SNX25: variants seen among roughly 807,000 people sequenced by gnomAD.
SNX25 encodes the protein sorting nexin-25.
A neutral mutation model predicts 113.7 loss-of-function variants in SNX25; 62 were observed. The observed-to-expected ratio is 0.55, with a 90% CI of 0.44 to 0.67. The LOEUF (loss-of-function observed/expected upper bound fraction) is 0.67. SNX25 is among the 30% of genes least tolerant of loss of function. The probability of loss-of-function intolerance (pLI) is 0.00; values close to 1 mark genes in which losing one functional copy is unlikely to be tolerated. For missense variants in SNX25, 1,014 were observed against 1,161.0 expected, an observed-to-expected ratio of 0.87 and a Z score of 1.84; for synonymous variants, 421 against 436.2, an observed-to-expected ratio of 0.97 and a Z score of 0.43.
rs184125839 is a variant in SNX25 at position 185,256,734 on chromosome 4, T to C, written c.515-2114T>C. Among the ~76,000 whole-genome samples, 434 of 148,736 alleles carry C rather than the reference T, an allele frequency of 2.9e-3. 1 individual carries two copies. The highest frequency in any genetic ancestry group is 5.0e-3 in the Admixed American group (73 of 14,662). On this transcript the variant is annotated intron_variant, in intron 2 of 18. Transcript: ENST00000652585. ...TCCACCTCCCAGGCTCAAATGATCC[T>C]CCCACCTCAGCCCCAAGTAGCTGGG...
At chr4:185,376,929 C>G in the SNX25 span, 9 of 1,612,672 alleles carry the variant, frequency 5.6e-6, no homozygotes, top group South Asian at 9.9e-5. Context: ...TATAGTTGAC[C>G]TCGTAGGAAA....
chr4:185,271,753 CA>C (rs1203502879), intron 5 of SNX25, among the ~76,000 whole-genome samples: 1 of 152,184 alleles, frequency 6.6e-6, no homozygotes, highest in African/African-American at 2.4e-5. Flanking sequence ...TTATTTTTTA[CA>C]TATTTGAGAG....
intron 7 of SNX25, 110 bp downstream of exon 7, chr4:185,310,926 C>CACCGAG: frequency 9.6e-7 from 1 of 1,041,276 alleles, no homozygotes; most frequent in South Asian, 1.8e-5. Flanking sequence ...ACATGTGTGC[C>CACCGAG]ATAACTACAC....
chr4:185,374,072 AAAAG>A, downstream of SNX25: 1 of 1,349,056 alleles, frequency 7.4e-7, no homozygotes. Flanking sequence ...TTTTCTCAAA[AAAAG>A]CAGTGAAACA....
intron 1 of SNX25, among the ~76,000 whole-genome samples, chr4:185,221,745 C>T (rs1172574323): frequency 6.6e-6 from 1 of 151,882 alleles, no homozygotes; most frequent in African/African-American, 2.4e-5. Flanking sequence ...CACCCTCAGT[C>T]CTCATAGTGC....
the SNX25 span, chr4:185,378,043 G>A: frequency 5.3e-6 from 8 of 1,507,662 alleles, no homozygotes; most frequent in East Asian, 2.3e-5. Context: ...AACTGTTAAA[G>A]TGTTTTCCAA....
intron 2 of SNX25, among the ~76,000 whole-genome samples, chr4:185,249,021 ACAGTGATACAG>A (rs1170587226): frequency 6.6e-6 from 1 of 152,208 alleles, no homozygotes; most frequent in East Asian, 1.9e-4. Context: ...GTATTCCATT[ACAGTGATACAG>A]CTATGACAAT....
At chr4:185,240,226 T>A (rs555588101) in intron 1 of SNX25, among the ~76,000 whole-genome samples, 78 of 152,230 alleles carry the variant, frequency 5.1e-4, no homozygotes, top group Admixed American at 4.1e-3. Context: ...TTTCCCCCCT[T>A]TCTATTCCAC....
intron 5 of SNX25, among the ~76,000 whole-genome samples, chr4:185,267,904 C>T (rs2126551295): frequency 6.6e-6 from 1 of 152,054 alleles, no homozygotes; most frequent in South Asian, 2.1e-4. Flanking sequence ...TTATGAAAAC[C>T]AGAAAGAGAA....
chr4:185,220,509 G>C (rs1377770643), intron 1 of SNX25, among the ~76,000 whole-genome samples: 1 of 146,472 alleles, frequency 6.8e-6, no homozygotes, highest in Non-Finnish European at 1.5e-5. Flanking sequence ...TTGAGATGGA[G>C]TCTCGCTCTG....
At chr4:185,244,219 C>T (rs1316297908) in intron 1 of SNX25, among the ~76,000 whole-genome samples, 1 of 152,190 alleles carries the variant, frequency 6.6e-6, no homozygotes, top group Admixed American at 6.5e-5. Context: ...CCTCAAACTC[C>T]TGACCCCAGG....
intron 12 of SNX25, among the ~76,000 whole-genome samples, chr4:185,344,115 A>G (rs1288556): frequency 0.1 from 15,555 of 152,110 alleles, 1,270 homozygotes; most frequent in African/African-American, 0.23. Flanking sequence ...CAGTTTCTCA[A>G]GAGGCTGAGG....
At position 185,323,651 on chromosome 4, in the gene SNX25, G is replaced by A; in HGVS notation, c.1600G>A (p.Glu534Lys). ...GTGTCTTGTAGGAAATAAAGGTATT[G>A]AAGTATTCTACAAAATCCAGGAAGA... ...QQCLVGNKGI[E>K]VFYKIQEDVY... The change falls in exon 9 of 19, where the codon GAA (glutamate) becomes AAA (lysine). Residue 534 changes from glutamate (E) to lysine (K), a missense_variant. Physicochemically the swap from Glu to Lys is moderately conservative, Grantham distance 56. Transcript: ENST00000652585. 1 of 1,613,724 alleles carries A rather than the reference G, an allele frequency of 6.2e-7. No individual in the cohort carries two copies. Among genetic ancestry groups the A allele is most frequent in the Non-Finnish European group, 8.5e-7 (1 of 1,179,806 alleles).
intron 5 of SNX25, among the ~76,000 whole-genome samples, chr4:185,277,061 G>C (rs571359134): frequency 1.3e-5 from 2 of 152,274 alleles, no homozygotes; most frequent in South Asian, 4.1e-4. Flanking sequence ...GTCTCGCTCT[G>C]TCACCCAGGC....
chr4:185,342,113 T>A lies in SNX25; in HGVS notation c.2184T>A (p.Ser728Arg). 6.3e-7 allele frequency: 1 copy of A among 1,597,006 alleles called. No individual in the cohort carries two copies. Among genetic ancestry groups the A allele is most frequent in the Non-Finnish European group, 8.5e-7 (1 of 1,173,438 alleles). Residue 728 changes from serine to arginine, a missense_variant, in exon 12 of 19, where the codon AGT becomes AGA. Coordinates refer to ENST00000652585, the MANE Select transcript of SNX25 (RefSeq NM_001378034.2). ...SEFQNLHRKL[S>R]ECVPSLKKVQ... ...TTCAGAATTTACACCGGAAACTCAG[T>A]GAGGTATGAATACTCATGAACGCAG...
chr4:185,245,448 A>G (rs1335347610), intron 1 of SNX25, among the ~76,000 whole-genome samples: 1 of 151,758 alleles, frequency 6.6e-6, no homozygotes, highest in Admixed American at 6.6e-5. Context: ...AGCTATTCTC[A>G]TGCCTCAGCC....
At chr4:185,368,455 G>A (rs964620183), downstream of SNX25, among the ~76,000 whole-genome samples, 6 of 149,496 alleles carry the variant, frequency 4.0e-5, no homozygotes, top group African/African-American at 1.5e-4. Flanking sequence ...CCCTTCCTGC[G>A]GGACACTGCC....
At chr4:185,342,662 CACAT>C (rs1197134573) in intron 12 of SNX25, among the ~76,000 whole-genome samples, 1 of 150,680 alleles carries the variant, frequency 6.6e-6, no homozygotes, top group East Asian at 2.0e-4. Flanking sequence ...AGGATTCTGT[CACAT>C]ACACAAGGGA....
rs1491428867 is a variant in SNX25, at chr4:185,360,927, AAT to A, written c.2652-995_2652-994del. 1.1e-4 allele frequency among the ~76,000 whole-genome samples: 14 copies of A among 127,158 alleles called. No individual in the cohort carries two copies. In the South Asian group the frequency reaches 1.9e-3, roughly 18 times the overall value. 83.4% of individuals were successfully genotyped at this position (127,158 alleles called of 152,430 possible). A position where few individuals can be genotyped will look rare whatever the true frequency, so the allele number is the denominator to read the frequency against. On this transcript the variant is annotated intron_variant, in intron 16 of 18. Coordinates refer to ENST00000652585, the MANE Select transcript of SNX25 (RefSeq NM_001378034.2). Reference sequence around the variant, plus strand: ...GAGCGAGACTCCGTCTCAAAAAAAAAATAATATATATATATATATATATATAG... The same window carrying A: ...GAGCGAGACTCCGTCTCAAAAAAAAAAATATATATATATATATATATATAG...
Sources: allele counts gnomAD v4.1 joint callset (sites outside exome capture counted in the v4.1 genomes callset), GRCh38; gene constraint gnomAD v4.1.1; transcripts MANE v1.5; gene names NCBI Gene and HGNC (gene_info 2026-07-23, HGNC 2026-07-21).